Variants in FAM53A observed in about 807,000 individuals in gnomAD.
FAM53A encodes the protein protein FAM53A.
Under a neutral mutation model 26.6 loss-of-function variants are expected in FAM53A, and 28 were observed. The observed-to-expected ratio is 1.05, with a 90% CI of 0.78 to 1.45. FAM53A has a LOEUF of 1.45. FAM53A is among the 40% of genes most tolerant of loss of function. The pLI, the probability that FAM53A is intolerant of heterozygous loss-of-function variation, is 0.00. For synonymous variants in FAM53A, 290 were observed against 253.1 expected (o/e 1.15, Z -1.38); for missense variants, 650 against 575.8 (o/e 1.13, Z -1.32).
At position 1,644,285 on chromosome 4, in the gene FAM53A, G is replaced by A. The variant is rs549595210; in HGVS notation, c.883-2678C>T. On this transcript the variant is annotated intron_variant, in intron 4 of 4. Coordinates refer to ENST00000308132, the MANE Select transcript of FAM53A (RefSeq NM_001174070.3). ...TGACTGCTCGGACCCGACAGATGCTGTAAGCTCACGCCGAGGCCTCGGACG... is the reference window on the plus strand; with the variant it reads ...TGACTGCTCGGACCCGACAGATGCTATAAGCTCACGCCGAGGCCTCGGACG... 164 of 1,536,000 alleles carry A rather than the reference G, an allele frequency of 1.1e-4. No homozygotes were observed. The Admixed American group carries it at 1.3e-3, about 12-fold the overall frequency.
chr4:1,658,558 C>G lies in FAM53A; in HGVS notation c.76-1090G>C, dbSNP rs1713588731. ...GTGTGGTGCTGGTCCAGGGAGACGT[C>G]CAGAGGGCAGGGTCTCCCTCCCTGG... On this transcript the variant is annotated intron_variant, in intron 2 of 4. Coordinates refer to ENST00000308132, the MANE Select transcript of FAM53A (RefSeq NM_001174070.3). Among the ~76,000 whole-genome samples, 2 of 152,238 alleles carry G rather than the reference C, an allele frequency of 1.3e-5. 1 individual carries two copies. Among genetic ancestry groups the G allele is most frequent in the South Asian group, 4.1e-4 (2 of 4,828 alleles).
the FAM53A span, among the ~76,000 whole-genome samples, chr4:1,612,482 C>T: frequency 9.2e-5 from 14 of 152,284 alleles, no homozygotes; most frequent in African/African-American, 2.9e-4. Flanking sequence ...AAGGCATGCG[C>T]GCACACACAC....
In FAM53A at chr4:1,655,070, C is replaced by G. The variant is rs766673560; in HGVS notation, c.790G>C (p.Val264Leu). ...CGCCGGCTCCTCTTCCCACTGAGCA[C>G]GCAAGGCTGTGAGCGGCACCGGAGC... The part of the protein sequence containing the change: ...GLLRCRSQPC[V>L]LSGKRSRRKR... The change falls in exon 4 of 5, where the codon GTG (valine) becomes CTG (leucine). Residue 264 changes from valine to leucine, a missense_variant. By Grantham distance (32) the Val-to-Leu change is conservative (BLOSUM62 1). Transcript: ENST00000308132. 1.9e-6 allele frequency: 3 copies of G among 1,601,416 alleles called. No individual in the cohort carries two copies. Among genetic ancestry groups the G allele is most frequent in the South Asian group, 1.1e-5 (1 of 89,290 alleles).
At chr4:1,661,689 C>G (rs972252593) in intron 2 of FAM53A, among the ~76,000 whole-genome samples, 32 of 151,978 alleles carry the variant, frequency 2.1e-4, no homozygotes, top group African/African-American at 7.3e-4. Flanking sequence ...CATTACACCT[C>G]CAACCCTCTT....
chr4:1,638,367 G>T (rs571509790), downstream of FAM53A, among the ~76,000 whole-genome samples: 71 of 152,186 alleles, frequency 4.7e-4, no homozygotes, highest in Middle Eastern at 3.4e-3. Flanking sequence ...CTCCCCACCC[G>T]CAGAGGACAC....
At chr4:1,604,847 C>A in the FAM53A span, among the ~76,000 whole-genome samples, 1 of 152,186 alleles carries the variant, frequency 6.6e-6, no homozygotes, top group Non-Finnish European at 1.5e-5. Flanking sequence ...CCTGCGGCGG[C>A]TCCCCCAGTG....
chr4:1,644,666 G>T (rs536618784), intron 4 of FAM53A: 10 of 279,468 alleles, frequency 3.6e-5, no homozygotes, highest in African/African-American at 2.0e-4. Flanking sequence ...CAAAACAGTT[G>T]TCCAAAACAC....
chr4:1,580,291 G>A, the FAM53A span: 1 of 152,172 alleles, frequency 6.6e-6, no homozygotes, highest in Non-Finnish European at 1.5e-5. Flanking sequence ...CTCGCCCCAG[G>A]GACCCCGCCC....
chr4:1,649,886 G>A (rs1192944141), intron 4 of FAM53A, among the ~76,000 whole-genome samples: 1 of 149,718 alleles, frequency 6.7e-6, no homozygotes, highest in Non-Finnish European at 1.5e-5. Context: ...TGTTTGTGAG[G>A]TGGCACAGGC....
At chr4:1,590,744 TC>T in the FAM53A span, among the ~76,000 whole-genome samples, 1 of 151,708 alleles carries the variant, frequency 6.6e-6, no homozygotes, top group Admixed American at 6.6e-5. Flanking sequence ...ATCTGTATTC[TC>T]CATGAGATGT....
chr4:1,574,316 G>C, the FAM53A span: 1 of 152,476 alleles, frequency 6.6e-6, no homozygotes, highest in African/African-American at 2.4e-5. Flanking sequence ...GCTTTTGGGG[G>C]CACTGCTTGA....
At chr4:1,613,326 G>C (rs994729244), downstream of FAM53A, among the ~76,000 whole-genome samples, 11 of 152,188 alleles carry the variant, frequency 7.2e-5, no homozygotes, top group African/African-American at 2.7e-4. Context: ...CCTGTCACCG[G>C]GTCCTCACCC....
At chr4:1,681,483 T>C (rs1032090129) in intron 1 of FAM53A, among the ~76,000 whole-genome samples, 1 of 151,290 alleles carries the variant, frequency 6.6e-6, no homozygotes, top group Non-Finnish European at 1.5e-5. Flanking sequence ...ACATTCGAAG[T>C]GTTCCTTTTG....
chr4:1,635,123 G>A (rs141574124), downstream of FAM53A, among the ~76,000 whole-genome samples: 813 of 152,106 alleles, frequency 5.3e-3, 3 homozygotes, highest in Non-Finnish European at 8.8e-3. Context: ...CTCTAGTTCT[G>A]CCTCTCTTTT....
chr4:1,655,646 G>A lies in FAM53A; in HGVS notation c.214C>T (p.Leu72=), dbSNP rs1713307559. The change falls in exon 4 of 5, where the codon CTG becomes TTG. Residue 72 remains leucine (L), a synonymous_variant. Coordinates refer to ENST00000308132, the MANE Select transcript of FAM53A (RefSeq NM_001174070.3). ...TGAGCGGCAGCAGACAGGCCCGGCA[G>A]GAAGGAGAAATCAGGGCCCGTGGCT... ...QAATGPDFSF[L]PGLSAAAHTM... The A allele has an allele frequency of 1.3e-6, 2 of 1,596,790 alleles. No homozygotes were observed. Among genetic ancestry groups the A allele is most frequent in the Admixed American group, 1.7e-5 (1 of 57,976 alleles).
rs531998736 is a variant in FAM53A, at chr4:1,644,209, T to A, written c.883-2602A>T. 4.8e-5 allele frequency: 74 copies of A among 1,535,970 alleles called. No homozygotes were observed. In the East Asian group the frequency reaches 1.8e-3, roughly 37 times the overall value. On this transcript the variant is annotated intron_variant, in intron 4 of 4. Transcript: ENST00000308132. ...CGCACCTTCAGGGGCCAGGTTTCCT[T>A]CCATTTCAAACCACGGCGTTTTGTT...
Position 1,655,515 on chromosome 4 carries a change from T to G in FAM53A, c.345A>C (p.Pro115=). The G allele has an allele frequency of 1.3e-6, 2 of 1,566,732 alleles. No individual in the cohort carries two copies. Among genetic ancestry groups the G allele is most frequent in the Admixed American group, 1.9e-5 (1 of 53,152 alleles). Residue 115 remains proline (P), a synonymous_variant, in exon 4 of 5, where the codon CCA becomes CCC. Coordinates refer to ENST00000308132, the MANE Select transcript of FAM53A (RefSeq NM_001174070.3). Reference sequence around the variant, plus strand: ...AGGACCGGCAATGCCGCTTGGTCGGTGGGGCCGTGGACGAGCCTGTGCTTT... The same window carrying G: ...AGGACCGGCAATGCCGCTTGGTCGGGGGGGCCGTGGACGAGCCTGTGCTTT... ...PSESTGSSTA[P]PTKRHCRSLS... is the part of the protein sequence containing the mutation.
the FAM53A span, among the ~76,000 whole-genome samples, chr4:1,607,839 C>CT: frequency 6.6e-6 from 1 of 152,012 alleles, no homozygotes; most frequent in Non-Finnish European, 1.5e-5. Flanking sequence ...ACTCGGGAGG[C>CT]TGAGGCATGA....
chr4:1,641,270 G>A lies in FAM53A; in HGVS notation c.*23C>T, dbSNP rs1173947395. 1 of 1,612,016 alleles carries A rather than the reference G, an allele frequency of 6.2e-7. No homozygotes were observed. The highest frequency in any genetic ancestry group is 8.5e-7 in the Non-Finnish European group (1 of 1,179,572). Reference sequence around the variant, plus strand: ...AGGGCAGGTGCAGGCGGCAGCCATGGCCCCGACCAGCCCCCACCAGCCTCA... The same window carrying A: ...AGGGCAGGTGCAGGCGGCAGCCATGACCCCGACCAGCCCCCACCAGCCTCA... On this transcript the variant is annotated 3_prime_UTR_variant, in exon 5 of 5. Coordinates refer to ENST00000308132, the MANE Select transcript of FAM53A (RefSeq NM_001174070.3).
Sources: allele counts gnomAD v4.1 joint callset (sites outside exome capture counted in the v4.1 genomes callset), GRCh38; gene constraint gnomAD v4.1.1; transcripts MANE v1.5; gene names NCBI Gene and HGNC (gene_info 2026-07-23, HGNC 2026-07-21).